PDE11A: variants seen among roughly 807,000 people sequenced by gnomAD.
PDE11A encodes the protein dual 3',5'-cyclic-AMP and -GMP phosphodiesterase 11A.
Under a neutral mutation model 100.5 loss-of-function variants are expected in PDE11A, and 100 were observed. That is an observed-to-expected ratio of 1.00 (90% confidence interval 0.85 to 1.18). The LOEUF (loss-of-function observed/expected upper bound fraction) is 1.18, where lower values mean the gene tolerates loss of function less well. Among genes scored for constraint, PDE11A ranks in the 50% most tolerant of loss-of-function variants. The probability of loss-of-function intolerance (pLI) is 0.00; values close to 1 mark genes in which losing one functional copy is unlikely to be tolerated. For synonymous variants in PDE11A, 381 were observed against 420.8 expected, an observed-to-expected ratio of 0.91 and a Z score of 1.16; for missense variants, 1,141 against 1,152.6, an observed-to-expected ratio of 0.99 and a Z score of 0.15.
intron 4 of PDE11A, among the ~76,000 whole-genome samples, chr2:177,893,978 T>G (rs900184761): frequency 3.3e-5 from 5 of 152,210 alleles, no homozygotes; most frequent in African/African-American, 1.2e-4. Context: ...TTGCTAATCT[T>G]CTAACTTGGA....
chr2:178,077,256 CTTTCTTTTTT>C (rs1272668225), upstream of PDE11A, among the ~76,000 whole-genome samples: 3 of 66,302 alleles, frequency 4.5e-5, no homozygotes, highest in African/African-American at 4.7e-5. Context: ...TCTTTTCTTT[CTTTCTTTTTT>C]TTTTTTTTTT....
At chr2:177,771,819 A>G (rs1286781384) in intron 9 of PDE11A, among the ~76,000 whole-genome samples, 1 of 152,120 alleles carries the variant, frequency 6.6e-6, no homozygotes, top group Non-Finnish European at 1.5e-5. Context: ...CCTGGCCAAC[A>G]TGATGAAACC....
intron 14 of PDE11A, among the ~76,000 whole-genome samples, chr2:177,699,935 T>C (rs13006712): frequency 6.6e-6 from 1 of 152,224 alleles, no homozygotes; most frequent in African/African-American, 2.4e-5. Context: ...CTGTTTATAA[T>C]ACTTGTTATT....
At chr2:177,815,778 T>A (rs891708405) in intron 9 of PDE11A, among the ~76,000 whole-genome samples, 1 of 152,240 alleles carries the variant, frequency 6.6e-6, no homozygotes, top group Non-Finnish European at 1.5e-5. Context: ...ACTTCTTATA[T>A]CTGGCTTGAC....
chr2:177,840,424 C>T (rs751447437), intron 5 of PDE11A, 41 bp from the exon 6 acceptor site: 81 of 1,600,724 alleles, frequency 5.1e-5, no homozygotes, highest in South Asian at 1.8e-4. Context: ...AAGAGAGAAA[C>T]GTAAGTTTTC....
At chr2:177,666,043 C>T (rs2080573678) in intron 18 of PDE11A, among the ~76,000 whole-genome samples, 1 of 152,132 alleles carries the variant, frequency 6.6e-6, no homozygotes, top group Non-Finnish European at 1.5e-5. Context: ...TTATCATCCT[C>T]AAAGAAACCC....
At chr2:177,643,896 C>T (rs1349827672) in intron 19 of PDE11A, among the ~76,000 whole-genome samples, 1 of 152,254 alleles carries the variant, frequency 6.6e-6, no homozygotes, top group Non-Finnish European at 1.5e-5. Context: ...TCAGAGGGTG[C>T]AAGCCCCAAA....
At chr2:177,972,054 G>T (rs920034359) in intron 2 of PDE11A, among the ~76,000 whole-genome samples, 1 of 152,156 alleles carries the variant, frequency 6.6e-6, no homozygotes. Flanking sequence ...GATACCAGCA[G>T]TAGGATACAA....
chr2:178,050,763 G>C (rs1418720815), intron 1 of PDE11A, among the ~76,000 whole-genome samples: 2 of 152,216 alleles, frequency 1.3e-5, no homozygotes, highest in Non-Finnish European at 2.9e-5. Context: ...ATCAGTGATT[G>C]AAGATCAAAT....
chr2:177,842,774 C>A (rs1371495307), intron 5 of PDE11A, among the ~76,000 whole-genome samples: 1 of 152,144 alleles, frequency 6.6e-6, no homozygotes, highest in Non-Finnish European at 1.5e-5. Flanking sequence ...ACATTTTGTT[C>A]CCGACTGCCT....
chr2:177,770,690 C>T (rs1374093808), intron 9 of PDE11A, among the ~76,000 whole-genome samples: 1 of 152,306 alleles, frequency 6.6e-6, no homozygotes, highest in South Asian at 2.1e-4. Context: ...CCTGGGCTCC[C>T]CTGCCCCAGA....
intron 1 of PDE11A, among the ~76,000 whole-genome samples, chr2:178,021,978 T>C (rs1418532209): frequency 1.3e-5 from 2 of 152,164 alleles, no homozygotes; most frequent in East Asian, 3.8e-4. Context: ...GTCTAGTAAC[T>C]AGGTGTAGAA....
At chr2:177,763,235 T>TAA (rs983925711) in intron 10 of PDE11A, among the ~76,000 whole-genome samples, 24 of 147,636 alleles carry the variant, frequency 1.6e-4, no homozygotes, top group African/African-American at 5.5e-4. Context: ...TCTCTGACGA[T>TAA]AAAAAAAAAA....
At chr2:177,826,773 C>G (rs973349937) in intron 6 of PDE11A, among the ~76,000 whole-genome samples, 1 of 152,194 alleles carries the variant, frequency 6.6e-6, no homozygotes, top group Non-Finnish European at 1.5e-5. Flanking sequence ...AACTTCTAAC[C>G]TCTAACCTTC....
chr2:178,014,373 C>T lies in PDE11A; in HGVS notation c.1000G>A (p.Glu334Lys), dbSNP rs770158287. 1 of 1,612,244 alleles carries T rather than the reference C, an allele frequency of 6.2e-7. No homozygotes were observed. The highest frequency in any genetic ancestry group is 8.5e-7 in the Non-Finnish European group (1 of 1,178,292). ...LCMPIRSSDG[E>K]IIGVAQAINK... The stretch of plus-strand genomic sequence containing the variant: ...ATCGCTTGGGCCACACCAATAATCT[C>T]ACCATCACTGCTTCGGATAGGCATG... Residue 334 changes from glutamate to lysine, a missense_variant, in exon 2 of 20, where the codon GAG becomes AAG. By Grantham distance (56) the Glu-to-Lys change is moderately conservative. Coordinates refer to ENST00000286063, the MANE Select transcript of PDE11A (RefSeq NM_016953.4).
At chr2:177,764,342 T>G (rs535069419) in intron 10 of PDE11A, among the ~76,000 whole-genome samples, 119 of 152,306 alleles carry the variant, frequency 7.8e-4, no homozygotes, top group African/African-American at 2.8e-3. Context: ...GTGCTGTAAA[T>G]GAGTTCATCT....
chr2:177,986,616 G>A (rs927655968), intron 2 of PDE11A, among the ~76,000 whole-genome samples: 2 of 152,084 alleles, frequency 1.3e-5, no homozygotes, highest in African/African-American at 4.8e-5. Flanking sequence ...AGGATCACGA[G>A]GTCAAGAGTT....
At chr2:178,074,385 G>C (rs530947478), upstream of PDE11A, among the ~76,000 whole-genome samples, 1 of 152,180 alleles carries the variant, frequency 6.6e-6, no homozygotes, top group East Asian at 1.9e-4. Flanking sequence ...TTTCAATAAA[G>C]CTGTTACAAG....
At position 177,816,834 on chromosome 2, in the gene PDE11A, G is replaced by C. The variant is rs1420983005; in HGVS notation, c.1732C>G (p.Leu578Val). ...GACATAAACACTGTACTTACATCAA[G>C]AGCCACAGACTGCTTGGCCCAGGAC... Reference protein sequence around the residue: ...KKSWAKQSVALDVLSYHATCS... With the variant: ...KKSWAKQSVAVDVLSYHATCS... The change falls in exon 9 of 20, where the codon CTT becomes GTT. Residue 578 changes from leucine to valine, a missense_variant. By Grantham distance (32) the Leu-to-Val change is conservative. Coordinates refer to ENST00000286063, the MANE Select transcript of PDE11A (RefSeq NM_016953.4). The C allele has an allele frequency of 6.4e-7, 1 of 1,567,784 alleles. No homozygotes were observed. Among genetic ancestry groups the C allele is most frequent in the Non-Finnish European group, 8.8e-7 (1 of 1,137,844 alleles).
Sources: allele counts gnomAD v4.1 joint callset (sites outside exome capture counted in the v4.1 genomes callset), GRCh38; gene constraint gnomAD v4.1.1; transcripts MANE v1.5; gene names NCBI Gene and HGNC (gene_info 2026-07-23, HGNC 2026-07-21).